RECQL: variants seen among roughly 807,000 people sequenced by gnomAD.
RECQL encodes RecQ like helicase.
RECQL carries 73 observed loss-of-function variants against 75.8 expected under a neutral mutation model. The ratio of observed to expected loss-of-function variants is 0.96; its 90% confidence interval spans 0.80 to 1.17. The LOEUF is 1.17. RECQL is among the 50% of genes most tolerant of loss of function. The pLI, the probability that RECQL is intolerant of heterozygous loss-of-function variation, is 0.00. For missense variants in RECQL, 699 were observed against 772.1 expected, an observed-to-expected ratio of 0.91 and a Z score of 1.12; for synonymous variants, 248 against 254.4, an observed-to-expected ratio of 0.97 and a Z score of 0.24.
rs1943051296 is a variant in RECQL, at chr12:21,474,886, T to A, written c.1310A>T (p.Gln437Leu). ...SSMVVMENVG[Q>L]QKLYEMVSYC... ...TGATACCATCTCATAAAGCTTCTGC[T>A]GTCCCACATTTTCCATCACCACCAT... Residue 437 changes from glutamine to leucine, a missense_variant, in exon 11 of 15, where the codon CAG (glutamine) becomes CTG (leucine). Around this residue, in one of 2 missense-constraint regions of RECQL, gnomAD observed 669 missense variants for 713.5 expected, o/e 0.94. Transcript: ENST00000444129. 6.2e-7 allele frequency: 1 copy of A among 1,613,240 alleles called. No homozygotes were observed. The highest frequency in any genetic ancestry group is 1.3e-5 in the African/African-American group (1 of 75,032).
intron 2 of RECQL, among the ~76,000 whole-genome samples, chr12:21,495,747 T>C (rs1429534155): frequency 6.6e-6 from 1 of 152,184 alleles, no homozygotes; most frequent in Non-Finnish European, 1.5e-5. Flanking sequence ...GCAGCTTTGG[T>C]TTCCAGAGAT....
In RECQL at chr12:21,485,779, G is replaced by A. The variant is rs372484454; in HGVS notation, c.501+700C>T. On this transcript the variant is annotated intron_variant, in intron 5 of 14. Transcript: ENST00000444129. ...TACAGATTAAAAAAAAAGATTAGCC[G>A]TATGTTGATAACTGTTGAAGGGGGA... is the stretch of plus-strand genomic sequence containing the variant. 3.4e-3 allele frequency among the ~76,000 whole-genome samples: 522 copies of A among 152,088 alleles called. 1 individual carries two copies. The highest frequency in any genetic ancestry group is 0.012 in the African/African-American group (489 of 41,516).
Position 21,468,953 on chromosome 12 carries a change from CCAATA to C in RECQL, c.*1236_*1240del. On this transcript the variant is annotated 3_prime_UTR_variant, in exon 15 of 15. Coordinates refer to ENST00000444129, the MANE Select transcript of RECQL (RefSeq NM_002907.4). ...AAAGTTTATTTATAGATATATCTTT[CCAATA>C]CAACACTGACCGCTTAGATAAAAAT... 1 of 519,310 alleles carries C rather than the reference CCAATA, an allele frequency of 1.9e-6. No individual in the cohort carries two copies. Among genetic ancestry groups the C allele is most frequent in the Non-Finnish European group, 3.3e-6 (1 of 299,924 alleles). 32.2% of individuals were successfully genotyped at this position (519,310 alleles called of 1,614,324 possible). A position where few individuals can be genotyped will look rare whatever the true frequency, so the allele number is the denominator to read the frequency against.
intron 13 of RECQL, 21 bp from the exon 14 acceptor site, chr12:21,471,119 CAAT>C (rs781211497): frequency 1.3e-6 from 2 of 1,546,244 alleles, no homozygotes; most frequent in Non-Finnish European, 1.7e-6. Flanking sequence ...TAAAGGCCAA[CAAT>C]AAGAAAGCTT....
Position 21,471,611 on chromosome 12 carries a change from T to A in RECQL, c.1484A>T (p.Asp495Val), listed in dbSNP as rs1942967288. Residue 495 changes from aspartate (D) to valine (V), a missense_variant, in exon 13 of 15, where the codon GAT (aspartate) becomes GTT (valine). Transcript: ENST00000444129. ...TGCCTGCTTCAGGATCTTGATTAGA[T>A]CTCTGCAGTACTCTGTTATGTTCTT... ...ERKNITEYCRDLIKILKQAEE... is the reference protein window; with the variant it reads ...ERKNITEYCRVLIKILKQAEE... 1 of 1,612,722 alleles carries A rather than the reference T, an allele frequency of 6.2e-7. No homozygotes were observed. Among genetic ancestry groups the A allele is most frequent in the Admixed American group, 1.7e-5 (1 of 59,852 alleles).
chr12:21,499,772 T>C (rs930756996), intron 1 of RECQL, among the ~76,000 whole-genome samples, 157 bp from the exon 2 acceptor site: 2 of 152,232 alleles, frequency 1.3e-5, no homozygotes, highest in Admixed American at 6.5e-5. Context: ...ATGGTTCTTT[T>C]GACACTAATT....
At chr12:21,489,621 T>A (rs1265466039) in intron 4 of RECQL, among the ~76,000 whole-genome samples, 3 of 152,244 alleles carry the variant, frequency 2.0e-5, no homozygotes, top group African/African-American at 7.2e-5. Flanking sequence ...GATCTGGGAC[T>A]AGAATTCAGG....
chr12:21,485,070 T>C (rs1943263988), intron 5 of RECQL, among the ~76,000 whole-genome samples: 1 of 152,026 alleles, frequency 6.6e-6, no homozygotes, highest in South Asian at 2.1e-4. Context: ...TGCCACTCAG[T>C]GGCTGCTAAA....
At chr12:21,491,868 A>G in intron 2 of RECQL, 152 bp from the exon 3 acceptor site, 1 of 695,480 alleles carries the variant, frequency 1.4e-6, no homozygotes. Context: ...TGAGTCATAT[A>G]GACCTAAGTT....
chr12:21,499,976 C>T (rs1383078364), intron 1 of RECQL, among the ~76,000 whole-genome samples: 1 of 152,166 alleles, frequency 6.6e-6, no homozygotes, highest in Non-Finnish European at 1.5e-5. Flanking sequence ...GGTCTAGCAC[C>T]AATTGCTATG....
chr12:21,481,094 T>C (rs545655192), intron 6 of RECQL, among the ~76,000 whole-genome samples: 6 of 152,204 alleles, frequency 3.9e-5, no homozygotes, highest in Non-Finnish European at 7.3e-5. Context: ...ACTGCTAAAA[T>C]TTTGGCTTCA....
intron 2 of RECQL, among the ~76,000 whole-genome samples, chr12:21,495,246 T>C (rs1417133488): frequency 1.3e-5 from 2 of 152,142 alleles, no homozygotes; most frequent in African/African-American, 4.8e-5. Flanking sequence ...ATGTATGTAA[T>C]GAATCTTCCT....
chr12:21,483,710 AT>A (rs1943237420), intron 5 of RECQL, 136 bp from the exon 6 acceptor site: 1 of 636,986 alleles, frequency 1.6e-6, no homozygotes, highest in African/African-American at 1.9e-5. Context: ...TGTTTAGTTC[AT>A]TAAAACTGAA....
chr12:21,476,875 ATC>A (rs769414721), intron 8 of RECQL, 34 bp downstream of exon 8: 7 of 1,436,752 alleles, frequency 4.9e-6, no homozygotes, highest in East Asian at 2.4e-5. Context: ...TTTGAAAGTT[ATC>A]TCTGTCTCCA....
chr12:21,474,260 G>A (rs1047690653), intron 11 of RECQL, among the ~76,000 whole-genome samples: 3 of 151,910 alleles, frequency 2.0e-5, no homozygotes, highest in African/African-American at 7.2e-5. Context: ...GATTATTGTA[G>A]TATCTATTGG....
intron 1 of RECQL, among the ~76,000 whole-genome samples, chr12:21,500,318 A>G (rs1285019300): frequency 6.6e-6 from 1 of 152,206 alleles, no homozygotes; most frequent in Non-Finnish European, 1.5e-5. Flanking sequence ...CTAAGCATGC[A>G]TATGGACAAG....
Position 21,471,470 on chromosome 12 carries a change from A to T in RECQL, c.1625T>A (p.Leu542Gln). 6.2e-7 allele frequency: 1 copy of T among 1,613,168 alleles called. No individual in the cohort carries two copies. The highest frequency in any genetic ancestry group is 1.7e-4 in the Middle Eastern group (1 of 6,052). The change falls in exon 13 of 15, where the codon CTG becomes CAG. Residue 542 changes from leucine to glutamine, a missense_variant. Physicochemically the swap from Leu to Gln is moderately radical, Grantham distance 113. Transcript: ENST00000444129. ...TAGAAAGTGTGCAATAATCTTCTCC[A>T]GATCTTCACGAGGAAGTGTGGGAGC... is the stretch of plus-strand genomic sequence containing the variant. ...VVAPTLPRED[L>Q]EKIIAHFLIQ...
chr12:21,500,999 G>A (rs570505881), intron 1 of RECQL, among the ~76,000 whole-genome samples, 171 bp downstream of exon 1: 15 of 152,202 alleles, frequency 9.9e-5, no homozygotes, highest in African/African-American at 3.6e-4. Flanking sequence ...AATGTTACAG[G>A]GTGACAGCCA....
At chr12:21,493,422 A>G (rs984148291) in intron 2 of RECQL, among the ~76,000 whole-genome samples, 5 of 152,138 alleles carry the variant, frequency 3.3e-5, no homozygotes, top group African/African-American at 1.2e-4. Context: ...TCAGGGGAAA[A>G]ATGTAGGATC....
Sources: gnomAD v4.1 joint callset for allele counts (sites outside exome capture counted in the v4.1 genomes callset) on GRCh38, gnomAD v4.1.1 for gene constraint, gnomAD v4.1.1 regional missense constraint, MANE v1.5 for transcripts, NCBI Gene and HGNC (gene_info 2026-07-23, HGNC 2026-07-21) for gene names.